GRIN2A: variants seen among roughly 807,000 people sequenced by gnomAD.
GRIN2A encodes the protein glutamate ionotropic receptor NMDA type subunit 2A.
A neutral mutation model predicts 113.4 loss-of-function variants in GRIN2A; 22 were observed. That is an observed-to-expected ratio of 0.19 (90% CI 0.14 to 0.28). The LOEUF (loss-of-function observed/expected upper bound fraction) is 0.28, where lower values mean the gene tolerates loss of function less well. Ranked by LOEUF, GRIN2A falls within the 10% of genes least tolerant of loss-of-function variation. The pLI is 1.00. For missense variants in GRIN2A, 1,502 were observed against 1,887.0 expected (o/e 0.80, Z 3.78); for synonymous variants, 827 against 738.4 (o/e 1.12, Z -1.94).
At chr16:9,867,372 C>G (rs2043177863) in intron 4 of GRIN2A, among the ~76,000 whole-genome samples, 1 of 152,178 alleles carries the variant, frequency 6.6e-6, no homozygotes, top group Non-Finnish European at 1.5e-5. Context: ...CAGCTCCAGC[C>G]CCACTCCCAG....
At chr16:9,900,607 G>T (rs751010353) in intron 3 of GRIN2A, among the ~76,000 whole-genome samples, 1 of 152,136 alleles carries the variant, frequency 6.6e-6, no homozygotes, top group Non-Finnish European at 1.5e-5. Flanking sequence ...TATAGAGTAG[G>T]GTCTAAGATG....
chr16:9,804,593 A>G (rs2284237), intron 10 of GRIN2A, among the ~76,000 whole-genome samples: 49,690 of 151,788 alleles, frequency 0.33, 8,289 homozygotes, highest in African/African-American at 0.39. Context: ...CAGAGACACC[A>G]TCTGACACAC....
intron 2 of GRIN2A, among the ~76,000 whole-genome samples, chr16:10,029,302 C>A (rs2046884847): frequency 6.6e-6 from 1 of 152,110 alleles, no homozygotes; most frequent in South Asian, 2.1e-4. Flanking sequence ...TCAAGGGATT[C>A]TCCTGCCTCA....
chr16:10,155,533 G>A (rs773124083), intron 2 of GRIN2A, among the ~76,000 whole-genome samples: 4 of 152,172 alleles, frequency 2.6e-5, no homozygotes, highest in Non-Finnish European at 4.4e-5. Context: ...CAGATAATGT[G>A]ACTGCAATAC....
In GRIN2A at chr16:10,057,828, G is replaced by T. The variant is rs980427867; in HGVS notation, c.415-119277C>A. ...GGGAGGGATACCTATTTTTAGCGTGGTCCTCAATAAACAAAAGCGCAGACA... is the reference window on the plus strand; with the variant it reads ...GGGAGGGATACCTATTTTTAGCGTGTTCCTCAATAAACAAAAGCGCAGACA... On this transcript the variant is annotated intron_variant, in intron 2 of 12. Transcript: ENST00000330684. 3.3e-5 allele frequency among the ~76,000 whole-genome samples: 5 copies of T among 152,262 alleles called. No homozygotes were observed. The South Asian group carries it at 8.3e-4, about 25-fold the overall frequency.
At chr16:10,062,871 A>C (rs1331667557) in intron 2 of GRIN2A, among the ~76,000 whole-genome samples, 1 of 152,086 alleles carries the variant, frequency 6.6e-6, no homozygotes, top group Non-Finnish European at 1.5e-5. Context: ...TTTCAAAAAA[A>C]AAAAAAGAAG....
chr16:10,049,702 G>A (rs1054516980), intron 2 of GRIN2A, among the ~76,000 whole-genome samples: 2 of 152,110 alleles, frequency 1.3e-5, no homozygotes, highest in Non-Finnish European at 2.9e-5. Context: ...GGACTCCGCA[G>A]TCCTCTTCCC....
chr16:9,787,379 G>A (rs1458862043), intron 11 of GRIN2A, among the ~76,000 whole-genome samples: 1 of 152,190 alleles, frequency 6.6e-6, no homozygotes, highest in African/African-American at 2.4e-5. Context: ...TTTGGACTTT[G>A]ACTCTACCTT....
intron 2 of GRIN2A, among the ~76,000 whole-genome samples, chr16:10,000,135 C>A (rs371839433): frequency 6.6e-6 from 1 of 152,150 alleles, no homozygotes; most frequent in African/African-American, 2.4e-5. Context: ...TATTATTACA[C>A]TGGGTTGACC....
rs1259457082 is a variant in GRIN2A, at chr16:10,180,476, C to G, written c.-18-47G>C. ...GCAGGGCCGCGGTGAGCAAGGCGACCAGAAGAAAGGGATTACCAACTTGGC... is the reference window on the plus strand; with the variant it reads ...GCAGGGCCGCGGTGAGCAAGGCGACGAGAAGAAAGGGATTACCAACTTGGC... On this transcript the variant is annotated intron_variant, in intron 1 of 12. Coordinates refer to ENST00000330684, the MANE Select transcript of GRIN2A (RefSeq NM_001134407.3). The surrounding 1 kb of genome is among the most constrained non-coding windows in gnomAD (Gnocchi z 7.0). The G allele has an allele frequency of 3.2e-6, 5 of 1,558,572 alleles. No individual in the cohort carries two copies. The highest frequency in any genetic ancestry group is 4.3e-6 in the Non-Finnish European group (5 of 1,158,402).
intron 11 of GRIN2A, among the ~76,000 whole-genome samples, chr16:9,773,440 G>A (rs1229666911): frequency 6.6e-6 from 1 of 152,152 alleles, no homozygotes; most frequent in African/African-American, 2.4e-5. Flanking sequence ...AAAAGAGGCC[G>A]TGATCTTTGT....
At chr16:9,998,831 C>A (rs757229114) in intron 2 of GRIN2A, among the ~76,000 whole-genome samples, 22 of 152,100 alleles carry the variant, frequency 1.4e-4, no homozygotes, top group Non-Finnish European at 2.6e-4. Flanking sequence ...CCTCCTCCCC[C>A]TCCTGCAAAA....
rs149187184 is a variant in GRIN2A, at chr16:9,957,606, C to T, written c.415-19055G>A. On this transcript the variant is annotated intron_variant, in intron 2 of 12. Coordinates refer to ENST00000330684, the MANE Select transcript of GRIN2A (RefSeq NM_001134407.3). ...AGCAAATATAAAACCTAAGAGGCAG[C>T]TTCTAATAGGAAGGGAGATTACCCA... 6.7e-3 allele frequency among the ~76,000 whole-genome samples: 1,019 copies of T among 152,258 alleles called. 15 individuals are homozygous for T. The highest frequency in any genetic ancestry group is 0.023 in the African/African-American group (971 of 41,552).
chr16:10,105,386 G>A (rs931173604), intron 2 of GRIN2A, among the ~76,000 whole-genome samples: 1 of 152,126 alleles, frequency 6.6e-6, no homozygotes, highest in Non-Finnish European at 1.5e-5. Context: ...CTGGCCAAGA[G>A]AGTTGTGGAC....
At chr16:9,949,876 C>A (rs974406767) in intron 2 of GRIN2A, among the ~76,000 whole-genome samples, 2 of 151,960 alleles carry the variant, frequency 1.3e-5, no homozygotes, top group Non-Finnish European at 2.9e-5. Context: ...GAGTTAGTAG[C>A]ACAGTGATGG....
At chr16:9,831,870 A>G (rs1190072265) in intron 8 of GRIN2A, among the ~76,000 whole-genome samples, 2 of 151,800 alleles carry the variant, frequency 1.3e-5, no homozygotes, top group Non-Finnish European at 2.9e-5. Flanking sequence ...TCAATTGCCT[A>G]TCTCTCTGAT....
At chr16:9,936,617 A>G (rs138608550) in intron 3 of GRIN2A, among the ~76,000 whole-genome samples, 1 of 152,332 alleles carries the variant, frequency 6.6e-6, no homozygotes, top group East Asian at 1.9e-4. Flanking sequence ...GAACAATGAC[A>G]CTTCTCAGAA....
At chr16:9,932,349 C>A (rs1193543605) in intron 3 of GRIN2A, among the ~76,000 whole-genome samples, 2 of 152,116 alleles carry the variant, frequency 1.3e-5, no homozygotes, top group East Asian at 1.9e-4. Context: ...ACACTTACTT[C>A]ACTCATAACT....
chr16:9,960,492 G>GA (rs1455974724), intron 2 of GRIN2A, among the ~76,000 whole-genome samples: 2 of 152,188 alleles, frequency 1.3e-5, no homozygotes, highest in Non-Finnish European at 2.9e-5. Flanking sequence ...TTTTATAAAT[G>GA]AAAAATTAAC....
Sources: allele counts gnomAD v4.1 joint callset (sites outside exome capture counted in the v4.1 genomes callset), GRCh38; gene constraint gnomAD v4.1.1; non-coding constraint Gnocchi (gnomAD v3.1); transcripts MANE v1.5; gene names NCBI Gene and HGNC (gene_info 2026-07-23, HGNC 2026-07-21).